The following SRGAP3 variants were observed in gnomAD, a reference collection of about 807,000 sequenced individuals.
SRGAP3 encodes SLIT-ROBO Rho GTPase activating protein 3, also known as SLIT-ROBO Rho GTPase-activating protein 3.
In SRGAP3, 39 loss-of-function variants were observed where a neutral mutation model predicts 121.1. That is an observed-to-expected ratio of 0.32 (90% CI 0.25 to 0.42). The LOEUF (loss-of-function observed/expected upper bound fraction) is 0.42, where lower values mean the gene tolerates loss of function less well. Ranked by LOEUF, SRGAP3 falls within the 10% of genes least tolerant of loss-of-function variation. SRGAP3 has a pLI of 1.00. For synonymous variants in SRGAP3, 601 were observed against 570.0 expected, an observed-to-expected ratio of 1.05 and a Z score of -0.77; for missense variants, 1,213 against 1,470.6, an observed-to-expected ratio of 0.82 and a Z score of 2.86.
chr3:9,243,811 G>A (rs1170818070), intron 1 of SRGAP3, among the ~76,000 whole-genome samples: 1 of 152,166 alleles, frequency 6.6e-6, no homozygotes, highest in Non-Finnish European at 1.5e-5. Flanking sequence ...CAAACTGGTG[G>A]CCCAACAGGC....
At chr3:9,056,387 G>T in intron 7 of SRGAP3, 53 bp from the exon 8 acceptor site, 1 of 1,577,350 alleles carries the variant, frequency 6.3e-7, no homozygotes, top group Non-Finnish European at 8.7e-7. Flanking sequence ...CCTCACCTGT[G>T]TGGAGCTAGG....
intron 2 of SRGAP3, among the ~76,000 whole-genome samples, chr3:9,123,634 G>A (rs1035968469): frequency 2.6e-5 from 4 of 151,856 alleles, no homozygotes; most frequent in African/African-American, 9.7e-5. Context: ...GAACCCGGGA[G>A]TTGGAGATTG....
rs1248065210 is a variant in SRGAP3, at chr3:9,248,929, T to C, written c.23A>G (p.Lys8Arg). Residue 8 changes from lysine (K) to arginine (R), a missense_variant, in exon 1 of 22, where the codon AAG becomes AGG. Lys to Arg is a conservative substitution (Grantham distance 26). Coordinates refer to ENST00000383836, the MANE Select transcript of SRGAP3 (RefSeq NM_014850.4). ...TTCAGCAATGATCTCTTTGTCTTTC[T>C]TGAACTTAGTTTGAGATGACATCTT... MSSQTKF[K>R]KDKEIIAEYE... 6.2e-7 allele frequency: 1 copy of C among 1,614,092 alleles called. No individual in the cohort carries two copies. Among genetic ancestry groups the C allele is most frequent in the African/African-American group, 1.3e-5 (1 of 74,934 alleles).
At chr3:9,330,750 A>T (rs1955593313) in intron 1 of SRGAP3, among the ~76,000 whole-genome samples, 1 of 152,216 alleles carries the variant, frequency 6.6e-6, no homozygotes, top group Admixed American at 6.5e-5. Context: ...CAAAAAAGGT[A>T]AAGTGACGTA....
chr3:9,170,166 T>A (rs1001980227), intron 1 of SRGAP3, among the ~76,000 whole-genome samples: 3 of 152,144 alleles, frequency 2.0e-5, no homozygotes, highest in Non-Finnish European at 4.4e-5. Flanking sequence ...GTGGGATGTG[T>A]GGGTGAATGT....
At chr3:9,067,583 T>G (rs566920834) in intron 4 of SRGAP3, among the ~76,000 whole-genome samples, 1 of 152,064 alleles carries the variant, frequency 6.6e-6, no homozygotes, top group Non-Finnish European at 1.5e-5. Context: ...TTGCAGATAA[T>G]CAAAGCAGGC....
intron 12 of SRGAP3, among the ~76,000 whole-genome samples, chr3:9,029,533 C>A (rs545185424): frequency 6.6e-6 from 1 of 152,136 alleles, no homozygotes; most frequent in Non-Finnish European, 1.5e-5. Context: ...TCCCTCTAGA[C>A]CACCATAATT....
At chr3:9,222,505 A>G (rs533695036) in intron 1 of SRGAP3, among the ~76,000 whole-genome samples, 11 of 152,322 alleles carry the variant, frequency 7.2e-5, no homozygotes, top group Admixed American at 2.0e-4. Context: ...GTTGCTTACA[A>G]TTCAAAGTTC....
intron 1 of SRGAP3, among the ~76,000 whole-genome samples, chr3:9,360,206 G>C (rs2030720087): frequency 6.6e-6 from 1 of 152,154 alleles, no homozygotes; most frequent in Non-Finnish European, 1.5e-5. Flanking sequence ...TAGAATTACA[G>C]GCATGAGCCA....
intron 3 of SRGAP3, among the ~76,000 whole-genome samples, chr3:9,258,039 G>T (rs1954172769): frequency 6.6e-6 from 1 of 152,094 alleles, no homozygotes; most frequent in Non-Finnish European, 1.5e-5. Flanking sequence ...ATATAGTCTA[G>T]GCATTGAGAT....
intron 2 of SRGAP3, among the ~76,000 whole-genome samples, chr3:9,118,320 C>T (rs773066081): frequency 1.8e-4 from 28 of 152,148 alleles, no homozygotes; most frequent in Non-Finnish European, 3.5e-4. Context: ...GAGACATTTT[C>T]CTGGAGGAAG....
intron 4 of SRGAP3, among the ~76,000 whole-genome samples, chr3:9,072,884 G>T (rs1946786491): frequency 6.6e-6 from 1 of 152,210 alleles, no homozygotes; most frequent in African/African-American, 2.4e-5. Flanking sequence ...TTCTTGCATT[G>T]TTTACTGTAC....
chr3:9,322,674 A>G (rs1376534869), intron 3 of SRGAP3, among the ~76,000 whole-genome samples: 1 of 151,896 alleles, frequency 6.6e-6, no homozygotes, highest in African/African-American at 2.4e-5. Flanking sequence ...GGGGTGGAAC[A>G]GCTTCATCCT....
At chr3:9,281,935 G>GGGAC (rs1163184436) in intron 3 of SRGAP3, among the ~76,000 whole-genome samples, 1 of 152,112 alleles carries the variant, frequency 6.6e-6, no homozygotes, top group Non-Finnish European at 1.5e-5. Context: ...CAAAGTGCTG[G>GGGAC]GACTACAGGC....
chr3:9,178,702 A>G (rs1189405837), intron 1 of SRGAP3, among the ~76,000 whole-genome samples: 5 of 152,054 alleles, frequency 3.3e-5, no homozygotes, highest in Non-Finnish European at 5.9e-5. Flanking sequence ...GATGCTCCCA[A>G]TGCCTCCCAT....
At chr3:9,160,431 T>C (rs1950568454) in intron 1 of SRGAP3, among the ~76,000 whole-genome samples, 1 of 152,192 alleles carries the variant, frequency 6.6e-6, no homozygotes, top group African/African-American at 2.4e-5. Flanking sequence ...ATGCTGAGGA[T>C]GCTCAAGCAG....
At position 9,077,104 on chromosome 3, in the gene SRGAP3, G is replaced by A. The variant is rs147411459; in HGVS notation, c.486+2921C>T. On this transcript the variant is annotated intron_variant, in intron 4 of 21. Coordinates refer to ENST00000383836, the MANE Select transcript of SRGAP3 (RefSeq NM_014850.4). ...ATTAGGTATATCTCGTAATGCTATC[G>A]CTCCCCCAGTCCCCCACCCCCTCCC... Among the ~76,000 whole-genome samples the A allele has an allele frequency of 5.0e-3, 753 of 151,640 alleles. 2 individuals are homozygous for A. Among genetic ancestry groups the A allele is most frequent in the Non-Finnish European group, 5.2e-3 (351 of 67,920 alleles).
chr3:9,212,160 A>C (rs552794114), intron 1 of SRGAP3, among the ~76,000 whole-genome samples: 2 of 152,326 alleles, frequency 1.3e-5, no homozygotes, highest in South Asian at 4.1e-4. Flanking sequence ...TTCCAATGGA[A>C]ACCTCAGTGT....
intron 3 of SRGAP3, among the ~76,000 whole-genome samples, chr3:9,322,630 A>C (rs1230224520): frequency 6.6e-6 from 1 of 151,822 alleles, no homozygotes; most frequent in African/African-American, 2.4e-5. Context: ...TGTAGGTTGC[A>C]TGCTCCTTAT....
Sources: gnomAD v4.1 joint callset for allele counts (sites outside exome capture counted in the v4.1 genomes callset) on GRCh38, gnomAD v4.1.1 for gene constraint, MANE v1.5 for transcripts, NCBI Gene and HGNC (gene_info 2026-07-23, HGNC 2026-07-21) for gene names.